SGCZ: variants seen among roughly 807,000 people sequenced by gnomAD.
The protein encoded by SGCZ is sarcoglycan zeta, also known as zeta-sarcoglycan.
In SGCZ, 40 loss-of-function variants were observed where a neutral mutation model predicts 41.3. The observed-to-expected ratio is 0.97, with a 90% CI of 0.75 to 1.26. The LOEUF is 1.26. SGCZ is among the 50% of genes most tolerant of loss of function. The pLI is 0.00. For missense variants in SGCZ, 552 were observed against 369.8 expected (o/e 1.49, Z -4.04); for synonymous variants, 206 against 137.5 (o/e 1.50, Z -3.49).
At chr8:14,809,859 A>C (rs927959047) in intron 1 of SGCZ, among the ~76,000 whole-genome samples, 1 of 152,156 alleles carries the variant, frequency 6.6e-6, no homozygotes, top group African/African-American at 2.4e-5. Context: ...AACGCAAGCC[A>C]TAAGAAATGT....
chr8:14,664,517 G>A (rs1208044005), intron 1 of SGCZ, among the ~76,000 whole-genome samples: 1 of 152,232 alleles, frequency 6.6e-6, no homozygotes, highest in Non-Finnish European at 1.5e-5. Flanking sequence ...TTCAACTAGG[G>A]AATCAAGATT....
chr8:14,989,310 C>A (rs572244931), intron 1 of SGCZ, among the ~76,000 whole-genome samples: 113 of 152,196 alleles, frequency 7.4e-4, no homozygotes, highest in African/African-American at 2.6e-3. Context: ...TACTCCCCAA[C>A]AACGTACCAG....
At chr8:14,581,672 TTC>T (rs2117260292) in intron 1 of SGCZ, among the ~76,000 whole-genome samples, 1 of 152,262 alleles carries the variant, frequency 6.6e-6, no homozygotes, top group South Asian at 2.1e-4. Context: ...GTTACTATTC[TTC>T]TCTAAGAACA....
At chr8:14,449,298 C>T (rs895228177) in intron 2 of SGCZ, among the ~76,000 whole-genome samples, 1 of 152,154 alleles carries the variant, frequency 6.6e-6, no homozygotes, top group African/African-American at 2.4e-5. Context: ...CAAAGCTTTC[C>T]ACTCCAGTAC....
At chr8:15,141,562 G>T (rs148088699) in intron 1 of SGCZ, among the ~76,000 whole-genome samples, 1 of 152,222 alleles carries the variant, frequency 6.6e-6, no homozygotes, top group Non-Finnish European at 1.5e-5. Flanking sequence ...CCTAGATTCT[G>T]TCTGGGGATC....
At chr8:14,244,603 A>T (rs1011390012) in intron 3 of SGCZ, among the ~76,000 whole-genome samples, 2 of 151,398 alleles carry the variant, frequency 1.3e-5, no homozygotes, top group African/African-American at 4.9e-5. Flanking sequence ...TATGAACTTT[A>T]AAGTAGTTTT....
intron 1 of SGCZ, among the ~76,000 whole-genome samples, chr8:14,740,814 A>AC (rs1328021278): frequency 3.3e-5 from 5 of 151,950 alleles, no homozygotes; most frequent in Non-Finnish European, 7.4e-5. Context: ...TTATCTTTGC[A>AC]AAAAAACAGG....
intron 1 of SGCZ, among the ~76,000 whole-genome samples, chr8:15,059,304 A>G (rs1028495699): frequency 3.9e-5 from 6 of 152,210 alleles, no homozygotes; most frequent in Admixed American, 3.9e-4. Flanking sequence ...GCAATCAGCA[A>G]AGTCCATAGA....
At chr8:14,290,934 C>T (rs1800818824) in intron 3 of SGCZ, among the ~76,000 whole-genome samples, 1 of 152,100 alleles carries the variant, frequency 6.6e-6, no homozygotes, top group South Asian at 2.1e-4. Flanking sequence ...AATATGGAAT[C>T]ACCCTAAAAA....
chr8:14,878,716 C>G (rs915744367), intron 1 of SGCZ, among the ~76,000 whole-genome samples: 2 of 152,108 alleles, frequency 1.3e-5, no homozygotes, highest in Non-Finnish European at 2.9e-5. Context: ...CCTGTGGTGT[C>G]TAAGAGGCAA....
intron 1 of SGCZ, among the ~76,000 whole-genome samples, chr8:15,038,683 G>A (rs569849315): frequency 6.6e-6 from 1 of 151,594 alleles, no homozygotes; most frequent in Non-Finnish European, 1.5e-5. Context: ...CCAGAGAATG[G>A]TAAGAAAAAA....
intron 3 of SGCZ, among the ~76,000 whole-genome samples, chr8:14,239,248 AACACACACACACAC>A (rs36209114): frequency 4.0e-5 from 6 of 149,352 alleles, no homozygotes; most frequent in Non-Finnish European, 7.4e-5. Flanking sequence ...TTCATACATG[AACACACACACACAC>A]ACACACACAC....
intron 5 of SGCZ, among the ~76,000 whole-genome samples, chr8:14,126,936 C>T (rs1249813026): frequency 6.6e-6 from 1 of 151,870 alleles, no homozygotes; most frequent in African/African-American, 2.4e-5. Flanking sequence ...AATGAGAACA[C>T]ATGGACACAG....
intron 1 of SGCZ, among the ~76,000 whole-genome samples, chr8:15,134,262 A>T (rs1224243370): frequency 6.6e-6 from 1 of 151,428 alleles, no homozygotes; most frequent in Non-Finnish European, 1.5e-5. Context: ...CATAAACATA[A>T]CTTTGGTATT....
intron 1 of SGCZ, among the ~76,000 whole-genome samples, chr8:14,632,577 A>T (rs1161202580): frequency 2.6e-5 from 4 of 152,116 alleles, no homozygotes; most frequent in Admixed American, 6.6e-5. Flanking sequence ...AAATTGAAAG[A>T]ATTCATCTAA....
At chr8:14,551,480 T>TAA (rs773471657) in intron 2 of SGCZ, among the ~76,000 whole-genome samples, 6,924 of 13,806 alleles carry the variant, frequency 0.5, 1,771 homozygotes, top group South Asian at 0.66. Flanking sequence ...ATATTATATA[T>TAA]TATATATATT....
intron 3 of SGCZ, among the ~76,000 whole-genome samples, chr8:14,272,123 C>G (rs551171021): frequency 5.3e-5 from 8 of 152,286 alleles, no homozygotes; most frequent in African/African-American, 1.9e-4. Flanking sequence ...CCTGCCTCAG[C>G]CTCCTGAGTA....
chr8:14,438,920 T>C (rs1378611819), intron 2 of SGCZ, among the ~76,000 whole-genome samples: 1 of 152,028 alleles, frequency 6.6e-6, no homozygotes, highest in Non-Finnish European at 1.5e-5. Context: ...GTAAGAGAAG[T>C]ATTCTGTTTT....
chr8:14,845,936 G>A (rs1803085612), intron 1 of SGCZ, among the ~76,000 whole-genome samples: 1 of 152,148 alleles, frequency 6.6e-6, no homozygotes, highest in African/African-American at 2.4e-5. Context: ...AAGACTATTA[G>A]CGGGGATAAA....
Sources: gnomAD v4.1 joint callset for allele counts (sites outside exome capture counted in the v4.1 genomes callset) on GRCh38, gnomAD v4.1.1 for gene constraint, MANE v1.5 for transcripts, NCBI Gene and HGNC (gene_info 2026-07-23, HGNC 2026-07-21) for gene names.